PDE4A: variants seen among roughly 807,000 people sequenced by gnomAD.
PDE4A encodes the protein phosphodiesterase 4A, also known as 3',5'-cyclic-AMP phosphodiesterase 4A.
PDE4A carries 21 observed loss-of-function variants against 73.9 expected under a neutral mutation model. That is an observed-to-expected ratio of 0.28 (90% CI 0.20 to 0.41). The LOEUF (loss-of-function observed/expected upper bound fraction) is 0.41. Ranked by LOEUF, PDE4A falls within the 10% of genes least tolerant of loss-of-function variation. PDE4A has a pLI of 1.00. For missense variants in PDE4A, 958 were observed against 1,211.4 expected (o/e 0.79, Z 3.10); for synonymous variants, 463 against 505.4 (o/e 0.92, Z 1.13).
At chr19:10,462,395 C>T (rs1411155380) in intron 13 of PDE4A, among the ~76,000 whole-genome samples, 1 of 151,160 alleles carries the variant, frequency 6.6e-6, no homozygotes, top group Non-Finnish European at 1.5e-5. Context: ...CAGGTGATCC[C>T]CCCCCGCCCC....
chr19:10,429,145 A>AGAAAGGAAAG (rs375167574), intron 1 of PDE4A, among the ~76,000 whole-genome samples: 1 of 150,900 alleles, frequency 6.6e-6, no homozygotes, highest in Non-Finnish European at 1.5e-5. Flanking sequence ...GGGAGGAAGG[A>AGAAAGGAAAG]GAAAGGAAAG....
At chr19:10,451,881 G>T (rs772742964) in intron 6 of PDE4A, among the ~76,000 whole-genome samples, 30 of 152,066 alleles carry the variant, frequency 2.0e-4, no homozygotes, top group Non-Finnish European at 3.5e-4. Context: ...GAGTGTCTTT[G>T]TTGGGGGGTG....
intron 1 of PDE4A, among the ~76,000 whole-genome samples, chr19:10,429,762 C>T (rs2042763663): frequency 6.6e-6 from 1 of 152,214 alleles, no homozygotes; most frequent in African/African-American, 2.4e-5. Context: ...GTCTTAGGAG[C>T]TGGAGAGGAA....
chr19:10,417,542 G>C, upstream of PDE4A: 1 of 1,444,726 alleles, frequency 6.9e-7, no homozygotes, highest in Non-Finnish European at 9.1e-7. Flanking sequence ...ACACGTGAAG[G>C]GGAGCCTATA....
intron 1 of PDE4A, among the ~76,000 whole-genome samples, chr19:10,440,432 T>A (rs901601554): frequency 6.6e-6 from 1 of 152,044 alleles, no homozygotes; most frequent in Admixed American, 6.6e-5. Flanking sequence ...AATTTATTAT[T>A]TATTATTTTG....
chr19:10,446,115 A>T, intron 1 of PDE4A, 103 bp from the exon 2 acceptor site: 1 of 1,464,318 alleles, frequency 6.8e-7, no homozygotes, highest in Non-Finnish European at 9.1e-7. Context: ...CTGGGATTAC[A>T]GGCATTACAG....
chr19:10,463,286 C>T (rs1035533919), intron 13 of PDE4A, among the ~76,000 whole-genome samples: 3 of 151,340 alleles, frequency 2.0e-5, no homozygotes, highest in Admixed American at 1.3e-4. Flanking sequence ...GATGGGGTTT[C>T]GCCATCTTGG....
chr19:10,454,322 G>A (rs1051198880), intron 6 of PDE4A, among the ~76,000 whole-genome samples: 1 of 152,202 alleles, frequency 6.6e-6, no homozygotes, highest in South Asian at 2.1e-4. Context: ...GAGGCCAGGA[G>A]CCAGGACCCC....
At chr19:10,450,754 G>T in intron 5 of PDE4A, 75 bp from the exon 6 acceptor site, 1 of 1,577,778 alleles carries the variant, frequency 6.3e-7, no homozygotes, top group Non-Finnish European at 8.6e-7. Context: ...GGCGAACCCC[G>T]TCACGGCGGT....
chr19:10,429,770 G>A (rs995008686), intron 1 of PDE4A, among the ~76,000 whole-genome samples: 10 of 152,136 alleles, frequency 6.6e-5, no homozygotes, highest in African/African-American at 2.4e-4. Flanking sequence ...AGCTGGAGAG[G>A]AATCTAGTTG....
rs78392044 is a variant in PDE4A, at chr19:10,420,824, G to C, written c.60G>C (p.Arg20=). The C allele has an allele frequency of 1.6e-3, 2,562 of 1,587,724 alleles. 29 individuals carry two copies. In the African/African-American group the frequency reaches 0.024, roughly 15 times the overall value. The part of the protein sequence containing the change: ...RSLSLSLPGP[R]EGQATLKPPP... ...TGTCTCTGTCACTGCCCGGGCCCCG[G>C]GAGGGCCAGGCCACCCTGAAGCCTC... is the stretch of plus-strand genomic sequence containing the variant. The change falls in exon 1 of 15, where the codon CGG becomes CGC. Residue 20 remains arginine, a synonymous_variant. Transcript: ENST00000380702. This position sits in a 1 kb window ranked among gnomAD's most constrained non-coding sequence, Gnocchi z 6.0.
chr19:10,432,176 C>CGGGGGGGGGG (rs568009200), intron 1 of PDE4A, among the ~76,000 whole-genome samples: 1 of 17,330 alleles, frequency 5.8e-5, no homozygotes, highest in Admixed American at 9.2e-4. Flanking sequence ...AGGGAGGAGA[C>CGGGGGGGGGG]GGGGGGGGGG....
At chr19:10,460,961 G>C in intron 10 of PDE4A, 43 bp from the exon 11 acceptor site, 1 of 1,579,448 alleles carries the variant, frequency 6.3e-7, no homozygotes, top group Non-Finnish European at 8.6e-7. Flanking sequence ...CACCATGCAT[G>C]GCTTCAACTC....
At chr19:10,461,788 G>C in intron 12 of PDE4A, 89 bp from the exon 13 acceptor site, 1 of 1,580,172 alleles carries the variant, frequency 6.3e-7, no homozygotes, top group Non-Finnish European at 8.6e-7. Flanking sequence ...GGACAGAGCG[G>C]GCGGCTTCTA....
intron 14 of PDE4A, chr19:10,464,567 C>A: frequency 2.6e-6 from 1 of 377,630 alleles, no homozygotes; most frequent in Non-Finnish European, 5.2e-6. Context: ...CAGGTGCACA[C>A]CACCACACCT....
At chr19:10,448,496 G>A (rs372221836) in intron 2 of PDE4A, among the ~76,000 whole-genome samples, 41 of 151,722 alleles carry the variant, frequency 2.7e-4, no homozygotes, top group African/African-American at 7.5e-4. Flanking sequence ...AATTAGTGGG[G>A]CGAGAGGCAC....
chr19:10,453,456 GC>G lies in PDE4A; in HGVS notation c.784-1370del. 8.2e-7 allele frequency: 1 copy of G among 1,225,826 alleles called. No individual in the cohort carries two copies. Among genetic ancestry groups the G allele is most frequent in the Non-Finnish European group, 1.1e-6 (1 of 909,716 alleles). The allele number at this position is 1,225,826 out of a possible 1,614,324, so 75.9% of individuals were successfully genotyped here. A position where few individuals can be genotyped will look rare whatever the true frequency, so the allele number is the denominator to read the frequency against. On this transcript the variant is annotated intron_variant, in intron 6 of 14. Coordinates refer to ENST00000380702, the MANE Select transcript of PDE4A (RefSeq NM_001111307.2). The surrounding 1 kb of genome is among the most constrained non-coding windows in gnomAD (Gnocchi z 4.6). ...AGCCTTGTGACTGTCTCTGTGTGTGGCCCAGGGCTGGGCGTGGATGGCGGGC... is the reference window on the plus strand; with the variant it reads ...AGCCTTGTGACTGTCTCTGTGTGTGGCCAGGGCTGGGCGTGGATGGCGGGC...
intron 1 of PDE4A, among the ~76,000 whole-genome samples, chr19:10,435,922 C>T (rs1444784071): frequency 1.3e-5 from 2 of 152,192 alleles, no homozygotes; most frequent in Non-Finnish European, 2.9e-5. Context: ...TCCCCTCTGT[C>T]CTCCCTCAGC....
chr19:10,456,135 A>G (rs1325223478), intron 7 of PDE4A, among the ~76,000 whole-genome samples: 4 of 151,994 alleles, frequency 2.6e-5, no homozygotes, highest in African/African-American at 7.2e-5. Flanking sequence ...TCTTGCCTAT[A>G]ATCCCAGGAC....
Sources: allele counts gnomAD v4.1 joint callset (sites outside exome capture counted in the v4.1 genomes callset), GRCh38; gene constraint gnomAD v4.1.1; non-coding constraint Gnocchi (gnomAD v3.1); transcripts MANE v1.5; gene names NCBI Gene and HGNC (gene_info 2026-07-23, HGNC 2026-07-21).